The following TRMT44 variants were observed in gnomAD, a reference collection of about 807,000 sequenced individuals.
TRMT44 encodes the protein tRNA methyltransferase 44 homolog.
A neutral mutation model predicts 77.3 loss-of-function variants in TRMT44; 78 were observed. The observed-to-expected ratio is 1.01, with a 90% CI of 0.84 to 1.22. The LOEUF (loss-of-function observed/expected upper bound fraction) is 1.22, where lower values mean the gene tolerates loss of function less well. Among genes scored for constraint, TRMT44 ranks in the 50% most tolerant of loss-of-function variants. TRMT44 has a pLI of 0.00. For missense variants in TRMT44, 1,090 were observed against 964.4 expected, an observed-to-expected ratio of 1.13 and a Z score of -1.73; for synonymous variants, 391 against 383.3, an observed-to-expected ratio of 1.02 and a Z score of -0.23.
intron 2 of TRMT44, among the ~76,000 whole-genome samples, chr4:8,492,443 C>T (rs1728035843): frequency 6.6e-6 from 1 of 152,202 alleles, no homozygotes; most frequent in African/African-American, 2.4e-5. Context: ...TAACCGACTC[C>T]ATCTTGCTTC....
At chr4:8,496,782 T>C (rs1475920291), downstream of TRMT44, among the ~76,000 whole-genome samples, 3 of 152,058 alleles carry the variant, frequency 2.0e-5, no homozygotes, top group East Asian at 1.9e-4. Flanking sequence ...CAGTGATTTT[T>C]TTTTTCTTTT....
rs191168912 is a variant in TRMT44, at chr4:8,469,034, G to C, written c.1927+688G>C. On this transcript the variant is annotated intron_variant, in intron 9 of 10. Transcript: ENST00000389737. ...CCCATCCCCTCCCGGCCCCTCCGTCGGTGACTTCTGCCTGGCTGCGCATTT... is the reference window on the plus strand; with the variant it reads ...CCCATCCCCTCCCGGCCCCTCCGTCCGTGACTTCTGCCTGGCTGCGCATTT... Among the ~76,000 whole-genome samples the C allele has an allele frequency of 1.4e-3, 214 of 152,260 alleles. 1 individual carries two copies. The highest frequency in any genetic ancestry group is 4.2e-3 in the Admixed American group (64 of 15,304).
chr4:8,463,541 CTG>C (rs1726306167), intron 6 of TRMT44, among the ~76,000 whole-genome samples: 1 of 152,166 alleles, frequency 6.6e-6, no homozygotes, highest in Non-Finnish European at 1.5e-5. Flanking sequence ...ATTGAAAGGC[CTG>C]TGAGGTTAGA....
At chr4:8,511,237 A>G in the TRMT44 span, among the ~76,000 whole-genome samples, 1 of 152,196 alleles carries the variant, frequency 6.6e-6, no homozygotes, top group African/African-American at 2.4e-5. Context: ...CGTTCCTGAA[A>G]ACACACACAG....
At chr4:8,510,421 C>T in the TRMT44 span, 1 of 152,820 alleles carries the variant, frequency 6.5e-6, no homozygotes, top group East Asian at 1.9e-4. Flanking sequence ...ACATGGCCCA[C>T]CCGCCAATCC....
At chr4:8,492,189 T>A (rs1728028252) in intron 2 of TRMT44, among the ~76,000 whole-genome samples, 2 of 152,194 alleles carry the variant, frequency 1.3e-5, no homozygotes, top group South Asian at 4.1e-4. Flanking sequence ...TCCAAAACTC[T>A]TCAGCTGCCT....
At position 8,449,672 on chromosome 4, in the gene TRMT44, C is replaced by CAGAA. The variant is rs1725297257; in HGVS notation, c.739_740insGAAA (p.Ile247ArgfsTer44). The CAGAA allele has an allele frequency of 6.5e-7, 1 of 1,532,876 alleles. No homozygotes were observed. The highest frequency in any genetic ancestry group is 1.4e-5 in the African/African-American group (1 of 72,966). The allele number at this position is 1,532,876 out of a possible 1,614,324, so 95.0% of individuals were successfully genotyped here. A position where few individuals can be genotyped will look rare whatever the true frequency, so the allele number is the denominator to read the frequency against. On this transcript the variant is annotated frameshift_variant, in exon 3 of 11. Transcript: ENST00000389737. LOFTEE classifies it high-confidence loss of function. ...CATATTTCTCTTATTTTTAAAGGTT[C>CAGAA]ATATCTGTTTTAATTTTCTGTCCAG...
chr4:8,445,152 A>G (rs1459724063), intron 1 of TRMT44, among the ~76,000 whole-genome samples: 1 of 152,144 alleles, frequency 6.6e-6, no homozygotes, highest in Non-Finnish European at 1.5e-5. Context: ...TGTGAGCTTT[A>G]TTTTACTTTA....
intron 6 of TRMT44, among the ~76,000 whole-genome samples, chr4:8,462,932 G>T (rs1191222442): frequency 2.6e-5 from 4 of 152,220 alleles, no homozygotes; most frequent in African/African-American, 4.8e-5. Flanking sequence ...TATTTCTGTA[G>T]ATCATACGTA....
downstream of TRMT44, among the ~76,000 whole-genome samples, chr4:8,493,802 A>C (rs941295661): frequency 6.6e-6 from 1 of 151,936 alleles, no homozygotes; most frequent in African/African-American, 2.4e-5. Flanking sequence ...CTTGCTCATC[A>C]GGGCCACAGC....
chr4:8,461,796 G>A lies in TRMT44; in HGVS notation c.1204-2189G>A, dbSNP rs1453101142. ...TTCTGTCATGCTTTCTGCCTTGGAG[G>A]AGCATGGCCAGAATGAGGGTGGTTC... On this transcript the variant is annotated intron_variant, in intron 6 of 10. Coordinates refer to ENST00000389737, the MANE Select transcript of TRMT44 (RefSeq NM_152544.3). This position sits in a 1 kb window ranked among gnomAD's most constrained non-coding sequence, Gnocchi z 4.6. Among the ~76,000 whole-genome samples, 1 of 152,150 alleles carries A rather than the reference G, an allele frequency of 6.6e-6. No individual in the cohort carries two copies. Among genetic ancestry groups the A allele is most frequent in the Non-Finnish European group, 1.5e-5 (1 of 68,028 alleles).
At chr4:8,489,234 G>A (rs1215778800) in intron 2 of TRMT44, among the ~76,000 whole-genome samples, 3 of 152,190 alleles carry the variant, frequency 2.0e-5, no homozygotes, top group African/African-American at 7.2e-5. Context: ...CCTGCAACAT[G>A]GCCACCAGGC....
the TRMT44 span, among the ~76,000 whole-genome samples, chr4:8,514,944 C>T: frequency 3.9e-5 from 6 of 152,072 alleles, no homozygotes; most frequent in Admixed American, 2.0e-4. Flanking sequence ...GGGCACTTGG[C>T]GGGGCACCAT....
At chr4:8,516,375 C>T in the TRMT44 span, among the ~76,000 whole-genome samples, 1 of 152,196 alleles carries the variant, frequency 6.6e-6, no homozygotes, top group Non-Finnish European at 1.5e-5. Flanking sequence ...GGAGCTGACT[C>T]GCCCAAGAAC....
chr4:8,446,885 G>C lies in TRMT44; in HGVS notation c.734+295G>C, dbSNP rs1367523390. Reference sequence around the variant, plus strand: ...GAAGTCAAACTCAAATTTCTTTATTGTTATTGTTATTATTATTATTGAGAC... The same window carrying C: ...GAAGTCAAACTCAAATTTCTTTATTCTTATTGTTATTATTATTATTGAGAC... On this transcript the variant is annotated intron_variant, in intron 2 of 10. Transcript: ENST00000389737. This position sits in a 1 kb window ranked among gnomAD's most constrained non-coding sequence, Gnocchi z 4.3. 6.6e-6 allele frequency among the ~76,000 whole-genome samples: 1 copy of C among 152,076 alleles called. No individual in the cohort carries two copies. Among genetic ancestry groups the C allele is most frequent in the Non-Finnish European group, 1.5e-5 (1 of 68,014 alleles).
chr4:8,473,116 G>C (rs569640180), intron 10 of TRMT44, among the ~76,000 whole-genome samples: 1 of 152,360 alleles, frequency 6.6e-6, no homozygotes, highest in African/African-American at 2.4e-5. Context: ...ATGAGGTTTA[G>C]GTTTTGTTTT....
At chr4:8,514,715 T>C in the TRMT44 span, among the ~76,000 whole-genome samples, 22 of 152,244 alleles carry the variant, frequency 1.4e-4, 1 homozygote, top group East Asian at 4.3e-3. Flanking sequence ...TGGGACCCAG[T>C]TGGGGGGCAG....
Position 8,482,615 on chromosome 4 carries a change from A to G in TRMT44, n.3891+3082A>G, listed in dbSNP as rs554772391. Among the ~76,000 whole-genome samples the G allele has an allele frequency of 8.9e-4, 135 of 152,212 alleles. 1 individual carries two copies. The highest frequency in any genetic ancestry group is 3.2e-3 in the African/African-American group (133 of 41,532). ...GTGGGGGTCGCAAGGTGCTCAGTGG[A>G]GGTGCTTTTTGAGCCAGGATGAGCC... On this transcript the variant is annotated intron_variant and non_coding_transcript_variant, in intron 2 of 2. Transcript: ENST00000511366.
intron 10 of TRMT44, among the ~76,000 whole-genome samples, chr4:8,471,784 TTCAC>T (rs2109182795): frequency 6.6e-6 from 1 of 152,286 alleles, no homozygotes; most frequent in East Asian, 1.9e-4. Flanking sequence ...CGCTTGTCCA[TTCAC>T]TCAGCCCGCA....
Sources: gnomAD v4.1 joint callset for allele counts (sites outside exome capture counted in the v4.1 genomes callset) on GRCh38, gnomAD v4.1.1 for gene constraint, Gnocchi (gnomAD v3.1) non-coding constraint, MANE v1.5 for transcripts, NCBI Gene and HGNC (gene_info 2026-07-23, HGNC 2026-07-21) for gene names.